LPP: variants seen among roughly 807,000 people sequenced by gnomAD.
LPP encodes LIM domain containing preferred translocation partner in lipoma.
In LPP, 38 loss-of-function variants were observed where a neutral mutation model predicts 60.4. The ratio of observed to expected loss-of-function variants is 0.63; its 90% CI spans 0.49 to 0.83. The LOEUF is 0.83. Ranked by LOEUF, LPP falls within the 40% of genes least tolerant of loss-of-function variation. The pLI is 0.00. For synonymous variants in LPP, 328 were observed against 290.8 expected, an observed-to-expected ratio of 1.13 and a Z score of -1.30; for missense variants, 902 against 783.6, an observed-to-expected ratio of 1.15 and a Z score of -1.80.
intron 8 of LPP, among the ~76,000 whole-genome samples, chr3:188,749,373 T>C (rs1568670): frequency 0.2 from 30,842 of 152,172 alleles, 3,819 homozygotes; most frequent in Middle Eastern, 0.45. Flanking sequence ...CCCTTTGTTA[T>C]AGAGTCTGTA....
chr3:188,457,265 A>G (rs1032625830), intron 4 of LPP, among the ~76,000 whole-genome samples: 4 of 152,150 alleles, frequency 2.6e-5, no homozygotes, highest in Non-Finnish European at 4.4e-5. Context: ...GTGCCATGGC[A>G]TTAAGATCTT....
rs1009278749 is a variant in LPP, at chr3:188,879,702, A to G, written c.*5223A>G. 1 of 181,488 alleles carries G rather than the reference A, an allele frequency of 5.5e-6. No homozygotes were observed. The highest frequency in any genetic ancestry group is 1.2e-5 in the Non-Finnish European group (1 of 85,088). 11.2% of individuals were successfully genotyped at this position (181,488 alleles called of 1,614,324 possible). ...TAATGATGGCATTTTATTTTATTCC[A>G]TTGCAGCTTGATAACTTTCCTTATA... On this transcript the variant is annotated 3_prime_UTR_variant, in exon 12 of 12. Transcript: ENST00000617246.
At chr3:188,745,013 G>T (rs1457364332) in intron 8 of LPP, among the ~76,000 whole-genome samples, 3 of 151,866 alleles carry the variant, frequency 2.0e-5, no homozygotes, top group East Asian at 3.9e-4. Context: ...GGAGAACAGG[G>T]TAAACTGTTC....
intron 9 of LPP, among the ~76,000 whole-genome samples, chr3:188,792,177 A>T (rs1743980730): frequency 6.6e-6 from 1 of 152,178 alleles, no homozygotes; most frequent in South Asian, 2.1e-4. Context: ...GTAGGACAGG[A>T]TACGAGTTAA....
intron 4 of LPP, among the ~76,000 whole-genome samples, chr3:188,414,737 C>T (rs1385457657): frequency 2.0e-5 from 3 of 152,080 alleles, no homozygotes; most frequent in Non-Finnish European, 2.9e-5. Flanking sequence ...CTGTAAATAA[C>T]CAATGAAAAT....
At chr3:188,204,815 C>G (rs1336568960) in intron 1 of LPP, among the ~76,000 whole-genome samples, 1 of 152,118 alleles carries the variant, frequency 6.6e-6, no homozygotes, top group African/African-American at 2.4e-5. Flanking sequence ...CCTCCACAGT[C>G]TTGGGTGTCA....
intron 4 of LPP, among the ~76,000 whole-genome samples, chr3:188,431,669 G>A (rs540060210): frequency 3.4e-4 from 51 of 152,128 alleles, no homozygotes; most frequent in Non-Finnish European, 6.8e-4. Flanking sequence ...GACACTCCCT[G>A]CATTCTTGAG....
At chr3:188,422,288 G>A (rs752470655) in intron 4 of LPP, among the ~76,000 whole-genome samples, 3 of 152,164 alleles carry the variant, frequency 2.0e-5, no homozygotes, top group Middle Eastern at 3.4e-3. Context: ...TCGACAGCAC[G>A]GTTTTCAAAA....
intron 5 of LPP, among the ~76,000 whole-genome samples, chr3:188,512,896 C>T (rs1816227468): frequency 6.6e-6 from 1 of 152,154 alleles, no homozygotes; most frequent in Non-Finnish European, 1.5e-5. Context: ...AGAAACATGT[C>T]TTCCTTGAGG....
chr3:188,506,698 C>G (rs1813558774), intron 5 of LPP, among the ~76,000 whole-genome samples: 1 of 152,214 alleles, frequency 6.6e-6, no homozygotes, highest in Admixed American at 6.5e-5. Context: ...ACTCCCAGGC[C>G]TCTGCTCTTT....
At chr3:188,688,855 AG>A in intron 7 of LPP, 1 of 523,302 alleles carries the variant, frequency 1.9e-6, no homozygotes, top group Admixed American at 2.1e-5. Flanking sequence ...GAGCTCCTGG[AG>A]GGCAGGCACT....
chr3:188,497,662 G>C (rs1290191924), intron 5 of LPP, among the ~76,000 whole-genome samples: 1 of 152,130 alleles, frequency 6.6e-6, no homozygotes, highest in African/African-American at 2.4e-5. Flanking sequence ...GTATTTCATG[G>C]AGAGATGATC....
rs1559810 is a variant in LPP at position 188,406,566 on chromosome 3, C to A, written c.193+253C>A. ...GTTAGAGCTCAAACTAGAAACCTGGCCTCTTTAGTCACAGCTCAATGCCTT... is the reference window on the plus strand; with the variant it reads ...GTTAGAGCTCAAACTAGAAACCTGGACTCTTTAGTCACAGCTCAATGCCTT... On this transcript the variant is annotated intron_variant, in intron 4 of 11. Coordinates refer to ENST00000617246, the MANE Select transcript of LPP (RefSeq NM_001375462.1). Among the ~76,000 whole-genome samples, 55,979 of 151,996 alleles carry A rather than the reference C, an allele frequency of 0.37. 10,963 individuals carry two copies. The highest frequency in any genetic ancestry group is 0.55 in the South Asian group (2,625 of 4,812).
intron 3 of LPP, among the ~76,000 whole-genome samples, chr3:188,367,021 C>T (rs1466203965): frequency 1.3e-5 from 2 of 152,052 alleles, no homozygotes; most frequent in Non-Finnish European, 2.9e-5. Flanking sequence ...CTCAGCCTCC[C>T]GAATAGGTGG....
At chr3:188,185,896 A>G (rs1377302293) in intron 1 of LPP, among the ~76,000 whole-genome samples, 1 of 152,342 alleles carries the variant, frequency 6.6e-6, no homozygotes, top group Non-Finnish European at 1.5e-5. Flanking sequence ...AGCCTGGCAC[A>G]TAGCGGGTGC....
At chr3:188,735,450 C>T (rs1393421174) in intron 8 of LPP, among the ~76,000 whole-genome samples, 1 of 152,018 alleles carries the variant, frequency 6.6e-6, no homozygotes, top group African/African-American at 2.4e-5. Context: ...GGTGCGATCT[C>T]AGCTCACTGC....
chr3:188,882,830 T>A lies in LPP; in HGVS notation c.*8351T>A, dbSNP rs1444821183. Reference sequence around the variant, plus strand: ...CTCGGCTCACTGCAAGCTCCGCTTCTCGGGTTCACGCCATTCTCCTGCCTC... The same window carrying A: ...CTCGGCTCACTGCAAGCTCCGCTTCACGGGTTCACGCCATTCTCCTGCCTC... On this transcript the variant is annotated 3_prime_UTR_variant, in exon 12 of 12. Coordinates refer to ENST00000617246, the MANE Select transcript of LPP (RefSeq NM_001375462.1). 5.5e-6 allele frequency: 1 copy of A among 181,354 alleles called. No homozygotes were observed. The highest frequency in any genetic ancestry group is 2.4e-5 in the African/African-American group (1 of 42,450). The allele number at this position is 181,354 out of a possible 1,614,324, so 11.2% of individuals were successfully genotyped here.
intron 1 of LPP, among the ~76,000 whole-genome samples, chr3:188,170,228 G>A (rs566659256): frequency 5.8e-4 from 88 of 152,204 alleles, no homozygotes; most frequent in South Asian, 2.5e-3. Context: ...GTTGATTCAC[G>A]TCTGTAAGAC....
intron 6 of LPP, among the ~76,000 whole-genome samples, chr3:188,608,333 A>G (rs1842923981): frequency 6.6e-6 from 1 of 152,208 alleles, no homozygotes; most frequent in African/African-American, 2.4e-5. Context: ...TCTTTAAATC[A>G]TTAACCCAGT....
Sources: gnomAD v4.1 joint callset for allele counts (sites outside exome capture counted in the v4.1 genomes callset) on GRCh38, gnomAD v4.1.1 for gene constraint, MANE v1.5 for transcripts, NCBI Gene and HGNC (gene_info 2026-07-23, HGNC 2026-07-21) for gene names.